Variants in UNC13C observed in about 807,000 individuals in gnomAD.
The protein encoded by UNC13C is unc-13 homolog C.
A neutral mutation model predicts 245.4 loss-of-function variants in UNC13C; 174 were observed. The observed-to-expected ratio is 0.71, with a 90% CI of 0.63 to 0.80. The LOEUF is 0.80. UNC13C is among the 30% of genes least tolerant of loss of function. The pLI is 0.00. For synonymous variants in UNC13C, 992 were observed against 895.1 expected (o/e 1.11, Z -1.93); for missense variants, 2,829 against 2,602.9 (o/e 1.09, Z -1.89).
At chr15:54,292,481 C>T (rs550994603) in intron 10 of UNC13C, among the ~76,000 whole-genome samples, 125 of 151,934 alleles carry the variant, frequency 8.2e-4, no homozygotes, top group African/African-American at 2.1e-3. Context: ...TGCTACAATT[C>T]GTATATAGGC....
chr15:54,380,584 AGT>A (rs1432643219), intron 17 of UNC13C, among the ~76,000 whole-genome samples: 2 of 152,158 alleles, frequency 1.3e-5, no homozygotes, highest in African/African-American at 4.8e-5. Context: ...TCCCATCAAA[AGT>A]GTGCGAGAGT....
At chr15:54,428,461 T>G (rs748201680) in intron 19 of UNC13C, among the ~76,000 whole-genome samples, 16 of 151,476 alleles carry the variant, frequency 1.1e-4, no homozygotes, top group Admixed American at 2.6e-4. Flanking sequence ...ACTCTTTTCC[T>G]GAATATTCAC....
intron 7 of UNC13C, among the ~76,000 whole-genome samples, chr15:54,247,772 T>A (rs2036034618): frequency 6.6e-6 from 1 of 152,120 alleles, no homozygotes; most frequent in Admixed American, 6.5e-5. Flanking sequence ...CATGTTTTTT[T>A]TTTTTATTTT....
Position 54,013,721 on chromosome 15 carries a change from C to G in UNC13C, c.818C>G (p.Ser273Cys). The G allele has an allele frequency of 6.2e-7, 1 of 1,613,000 alleles. No individual in the cohort carries two copies. The highest frequency in any genetic ancestry group is 8.5e-7 in the Non-Finnish European group (1 of 1,179,510). The change falls in exon 2 of 33, where the codon TCC (serine) becomes TGC (cysteine). Residue 273 changes from serine to cysteine, a missense_variant. Coordinates refer to ENST00000260323, the MANE Select transcript of UNC13C (RefSeq NM_001080534.3). ...GGGCACGTCAATGCTCTCAAGCACT[C>G]CATCGATGAGATCTCCAGCAGTGTG... is the stretch of plus-strand genomic sequence containing the variant. ...LRGHVNALKH[S>C]IDEISSSVEV...
At chr15:54,588,521 G>A (rs183034348) in intron 30 of UNC13C, among the ~76,000 whole-genome samples, 1 of 152,080 alleles carries the variant, frequency 6.6e-6, no homozygotes, top group African/African-American at 2.4e-5. Flanking sequence ...TTTTCCATAA[G>A]TTATTGGTAT....
At chr15:54,049,760 TA>T in intron 2 of UNC13C, 2 of 254,768 alleles carry the variant, frequency 7.9e-6, no homozygotes, top group Non-Finnish European at 8.0e-6. Context: ...AAGTATGAAA[TA>T]ATCCAATAGC....
In UNC13C at chr15:54,015,794, A is replaced by G. The variant is rs775940197; in HGVS notation, c.2891A>G (p.Lys964Arg). ...NIPEQPVEIT[K>R]PKRIRPSFKE... is the part of the protein sequence containing the mutation. ...CCTGAACAGCCAGTGGAGATCACAAAGCCAAAGAGAATTCGTCCTTCTTTC... is the reference window on the plus strand; with the variant it reads ...CCTGAACAGCCAGTGGAGATCACAAGGCCAAAGAGAATTCGTCCTTCTTTC... The change falls in exon 2 of 33, where the codon AAG becomes AGG. Residue 964 changes from lysine to arginine, a missense_variant. Coordinates refer to ENST00000260323, the MANE Select transcript of UNC13C (RefSeq NM_001080534.3). 9.3e-6 allele frequency: 15 copies of G among 1,612,210 alleles called. No homozygotes were observed. The highest frequency in any genetic ancestry group is 1.3e-5 in the Non-Finnish European group (15 of 1,178,980).
At chr15:53,999,470 CTG>C (rs1381705712) in intron 1 of UNC13C, among the ~76,000 whole-genome samples, 1 of 151,810 alleles carries the variant, frequency 6.6e-6, no homozygotes, top group African/African-American at 2.4e-5. Context: ...TACTTATATT[CTG>C]TCTTTCAGTT....
chr15:54,026,881 G>T (rs1408162566), intron 2 of UNC13C, among the ~76,000 whole-genome samples: 2 of 152,044 alleles, frequency 1.3e-5, no homozygotes, highest in Non-Finnish European at 2.9e-5. Flanking sequence ...AATCATATTT[G>T]GTCTTTGTCT....
intron 2 of UNC13C, among the ~76,000 whole-genome samples, chr15:54,065,458 G>A (rs1005179960): frequency 4.6e-5 from 7 of 152,246 alleles, no homozygotes; most frequent in South Asian, 2.1e-4. Flanking sequence ...ACAGAATATC[G>A]GGCCTGAGCC....
chr15:53,966,095 TAAAG>T, the UNC13C span, among the ~76,000 whole-genome samples: 1 of 152,168 alleles, frequency 6.6e-6, no homozygotes, highest in Non-Finnish European at 1.5e-5. Flanking sequence ...ATGTATTTGT[TAAAG>T]AAATTAAGTG....
the UNC13C span, among the ~76,000 whole-genome samples, chr15:53,842,936 G>T: frequency 6.7e-6 from 1 of 148,458 alleles, no homozygotes; most frequent in Non-Finnish European, 1.5e-5. Context: ...AATTAAAATA[G>T]ATAATAAAAA....
At chr15:53,843,181 G>GGCTTAGGCCCAAAA in the UNC13C span, among the ~76,000 whole-genome samples, 1 of 152,178 alleles carries the variant, frequency 6.6e-6, no homozygotes, top group Admixed American at 6.5e-5. Context: ...GCTTAGGCCT[G>GGCTTAGGCCCAAAA]TGATCCCAAC....
At chr15:54,294,896 C>A (rs2037389393) in intron 11 of UNC13C, among the ~76,000 whole-genome samples, 1 of 152,116 alleles carries the variant, frequency 6.6e-6, no homozygotes, top group Non-Finnish European at 1.5e-5. Flanking sequence ...TTAAAAAAAT[C>A]TGCATACTTT....
At chr15:54,586,747 C>T (rs567809003) in intron 30 of UNC13C, among the ~76,000 whole-genome samples, 92 of 152,246 alleles carry the variant, frequency 6.0e-4, no homozygotes, top group Middle Eastern at 3.4e-3. Flanking sequence ...ATGCAAGTTG[C>T]AAGTAATAAT....
At chr15:53,997,417 G>A (rs1894684995) in intron 1 of UNC13C, among the ~76,000 whole-genome samples, 1 of 152,202 alleles carries the variant, frequency 6.6e-6, no homozygotes, top group Non-Finnish European at 1.5e-5. Flanking sequence ...TGAATTCCAA[G>A]TTATCAAATT....
At chr15:54,389,691 T>C (rs1021005123) in intron 17 of UNC13C, among the ~76,000 whole-genome samples, 10 of 152,054 alleles carry the variant, frequency 6.6e-5, no homozygotes, top group African/African-American at 2.4e-4. Context: ...TAGGCATCTG[T>C]CATGTGGTTT....
chr15:54,280,027 A>G (rs1318606063), intron 10 of UNC13C, among the ~76,000 whole-genome samples: 1 of 152,172 alleles, frequency 6.6e-6, no homozygotes, highest in Non-Finnish European at 1.5e-5. Flanking sequence ...TCTGGATAAC[A>G]TTTTAGTAAT....
intron 1 of UNC13C, among the ~76,000 whole-genome samples, chr15:54,010,358 T>A (rs1018166028): frequency 8.5e-5 from 13 of 152,296 alleles, no homozygotes; most frequent in African/African-American, 2.9e-4. Context: ...GAGAGTACAA[T>A]GCAGGAGCAC....
Sources: gnomAD v4.1 joint callset for allele counts (sites outside exome capture counted in the v4.1 genomes callset) on GRCh38, gnomAD v4.1.1 for gene constraint, MANE v1.5 for transcripts, NCBI Gene and HGNC (gene_info 2026-07-23, HGNC 2026-07-21) for gene names.